DICER1: variants seen among roughly 807,000 people sequenced by gnomAD.
The protein encoded by DICER1 is dicer 1, ribonuclease III.
DICER1 carries 43 observed loss-of-function variants against 194.1 expected under a neutral mutation model. That is an observed-to-expected ratio of 0.22 (90% CI 0.17 to 0.29). DICER1 has a LOEUF of 0.29. Among genes scored for constraint, DICER1 ranks in the 10% least tolerant of loss-of-function variants. The pLI, the probability that DICER1 is intolerant of heterozygous loss-of-function variation, is 1.00. For missense variants in DICER1, 1,608 were observed against 2,317.0 expected, an observed-to-expected ratio of 0.69 and a Z score of 6.28; for synonymous variants, 832 against 820.5, an observed-to-expected ratio of 1.01 and a Z score of -0.24.
intron 1 of DICER1, among the ~76,000 whole-genome samples, chr14:95,137,026 T>G (rs1894424562): frequency 7.0e-6 from 1 of 142,408 alleles, no homozygotes; most frequent in Non-Finnish European, 1.5e-5. Context: ...GTAAAAGGTA[T>G]AAGTAGAAAA....
chr14:95,091,498 G>C, intron 24 of DICER1, 133 bp from the exon 25 acceptor site: 2 of 825,724 alleles, frequency 2.4e-6, no homozygotes, highest in African/African-American at 1.7e-5. Flanking sequence ...TTTATGGTAT[G>C]CCTACTATAT....
In DICER1 at chr14:95,154,408, C is replaced by G. The variant is rs1414158668; in HGVS notation, c.-46+2822G>C. On this transcript the variant is annotated intron_variant, in intron 1 of 26. Transcript: ENST00000343455. Reference sequence around the variant, plus strand: ...CTCCAATGAATTATTTGTATACCTACGTTCACAGCACCATTATTCACAGTA... The same window carrying G: ...CTCCAATGAATTATTTGTATACCTAGGTTCACAGCACCATTATTCACAGTA... Among the ~76,000 whole-genome samples, 3 of 152,312 alleles carry G rather than the reference C, an allele frequency of 2.0e-5. No homozygotes were observed. The East Asian group carries it at 5.8e-4, about 29-fold the overall frequency.
At position 95,091,209 on chromosome 14, in the gene DICER1, G is replaced by A. The variant is rs1555366154; in HGVS notation, c.5521C>T (p.Leu1841=). The A allele has an allele frequency of 5.0e-6, 8 of 1,614,072 alleles. No homozygotes were observed. Among genetic ancestry groups the A allele is most frequent in the Non-Finnish European group, 5.9e-6 (7 of 1,180,004 alleles). ...WQVYYPMMRP[L]IEKFSANVPR... is the part of the protein sequence containing the mutation. ...TAAAGGGAGCCAACAATACCTATTA[G>A]TGGCCGCATCATGGGATAGTACACC... is the stretch of plus-strand genomic sequence containing the variant. Residue 1841 remains leucine (L), a synonymous_variant, in exon 25 of 27, where the codon CTA becomes TTA. Coordinates refer to ENST00000343455, the MANE Select transcript of DICER1 (RefSeq NM_177438.3).
At chr14:95,144,086 A>G (rs1894981391) in intron 1 of DICER1, among the ~76,000 whole-genome samples, 1 of 152,206 alleles carries the variant, frequency 6.6e-6, no homozygotes, top group African/African-American at 2.4e-5. Context: ...AGATGTTTTT[A>G]GCTAACTTAA....
chr14:95,108,836 C>T (rs1003589079), intron 14 of DICER1, among the ~76,000 whole-genome samples: 2 of 152,194 alleles, frequency 1.3e-5, no homozygotes, highest in African/African-American at 4.8e-5. Flanking sequence ...GACAAGAAAA[C>T]TCATCTCTTC....
chr14:95,087,117 C>G lies in DICER1; in HGVS notation c.*3381G>C, dbSNP rs1566738996. On this transcript the variant is annotated 3_prime_UTR_variant, in exon 27 of 27. Transcript: ENST00000343455. ...TGGATTCCAGTGATCCTCTGCAGTG[C>G]CCACCTGCCTCCAGGGAGCGACTGA... 4.3e-6 allele frequency: 1 copy of G among 233,086 alleles called. No homozygotes were observed. Among genetic ancestry groups the G allele is most frequent in the African/African-American group, 2.2e-5 (1 of 45,316 alleles). The allele number at this position is 233,086 out of a possible 1,614,324, so 14.4% of individuals were successfully genotyped here.
At chr14:95,117,073 T>C (rs1344286967) in intron 9 of DICER1, among the ~76,000 whole-genome samples, 1 of 152,236 alleles carries the variant, frequency 6.6e-6, no homozygotes, top group African/African-American at 2.4e-5. Context: ...TAATAAACTT[T>C]AAATAGGTTT....
rs1060503636 is a variant in DICER1 at position 95,106,174 on chromosome 14, T to C, written c.2854A>G (p.Thr952Ala). ...PHRFYVADVY[T>A]DLTPLSKFPS... ...AATTTACTGAGTGGGGTAAGATCAG[T>C]GTACACATCAGCTACATAAAATCGA... The change falls in exon 18 of 27, where the codon ACT becomes GCT. Residue 952 changes from threonine to alanine, a missense_variant. Around this residue, in one of 10 missense-constraint regions of DICER1, gnomAD observed 150 missense variants for 216.0 expected, o/e 0.69. Transcript: ENST00000343455. The C allele has an allele frequency of 6.2e-7, 1 of 1,614,128 alleles. No homozygotes were observed. Among genetic ancestry groups the C allele is most frequent in the South Asian group, 1.1e-5 (1 of 91,080 alleles).
At chr14:95,099,689 A>G (rs1890678459) in intron 22 of DICER1, 91 bp downstream of exon 22, 4 of 1,481,932 alleles carry the variant, frequency 2.7e-6, no homozygotes, top group African/African-American at 2.9e-5. Context: ...AAAAATTAAT[A>G]AAACAAATTA....
At chr14:95,094,243 G>C in intron 23 of DICER1, 87 bp from the exon 24 acceptor site, 2 of 1,491,270 alleles carry the variant, frequency 1.3e-6, no homozygotes, top group South Asian at 2.3e-5. Context: ...ATCCGAAGAA[G>C]ATTTGTATTT....
At chr14:95,150,467 C>T (rs181793213) in intron 1 of DICER1, among the ~76,000 whole-genome samples, 1 of 152,274 alleles carries the variant, frequency 6.6e-6, no homozygotes, top group East Asian at 1.9e-4. Flanking sequence ...GCCTGAGAGA[C>T]AGAGCAAGAC....
At chr14:95,097,034 G>A (rs181226297) in intron 22 of DICER1, among the ~76,000 whole-genome samples, 81 of 152,234 alleles carry the variant, frequency 5.3e-4, no homozygotes, top group South Asian at 1.7e-3. Context: ...CTTCAACTAA[G>A]TCGTCTAACT....
chr14:95,100,277 G>C (rs1174121245), intron 21 of DICER1, among the ~76,000 whole-genome samples: 1 of 152,122 alleles, frequency 6.6e-6, no homozygotes. Context: ...GATATAAAAT[G>C]CAAACTGCTA....
intron 1 of DICER1, among the ~76,000 whole-genome samples, chr14:95,145,259 G>A (rs1461363232): frequency 6.6e-6 from 1 of 152,130 alleles, no homozygotes; most frequent in African/African-American, 2.4e-5. Flanking sequence ...TGGAGGAAAA[G>A]TTTTCCTCCC....
chr14:95,092,490 T>C (rs1338798188), intron 24 of DICER1, among the ~76,000 whole-genome samples: 2 of 152,202 alleles, frequency 1.3e-5, no homozygotes, highest in African/African-American at 4.8e-5. Flanking sequence ...ATAATACATT[T>C]ATACTGCTGA....
chr14:95,109,157 A>G (rs535190355), intron 14 of DICER1, among the ~76,000 whole-genome samples: 1 of 152,204 alleles, frequency 6.6e-6, no homozygotes, highest in African/African-American at 2.4e-5. Flanking sequence ...AGCCAATATC[A>G]TCATTTGTAA....
At chr14:95,154,315 G>A (rs1462337863) in intron 1 of DICER1, among the ~76,000 whole-genome samples, 1 of 152,202 alleles carries the variant, frequency 6.6e-6, no homozygotes, top group Non-Finnish European at 1.5e-5. Context: ...GTCTAGTCTA[G>A]TGTTTTGAAG....
At chr14:95,135,251 A>G (rs1894273063) in intron 1 of DICER1, among the ~76,000 whole-genome samples, 1 of 152,212 alleles carries the variant, frequency 6.6e-6, no homozygotes, top group Non-Finnish European at 1.5e-5. Flanking sequence ...CTGACCCTTC[A>G]CTTTCACCCA....
rs1486741089 is a variant in DICER1 at position 95,096,663 on chromosome 14, C to A, written c.4257G>T (p.Glu1419Asp). ...TCAGGCTCTCCTCCTCCTCATCCTC[C>A]TCCTCGTAATCCTCATCCAGTTTGC... ...ANGKLDEDYE[E>D]EDEEEESLMW... The change falls in exon 23 of 27, where the codon GAG (glutamate) becomes GAT (aspartate). Residue 1419 changes from glutamate (E) to aspartate (D), a missense_variant. Coordinates refer to ENST00000343455, the MANE Select transcript of DICER1 (RefSeq NM_177438.3). The A allele has an allele frequency of 1.9e-6, 3 of 1,612,920 alleles. No homozygotes were observed. The South Asian group carries it at 3.3e-5, about 18-fold the overall frequency.
Sources: gnomAD v4.1 joint callset for allele counts (sites outside exome capture counted in the v4.1 genomes callset) on GRCh38, gnomAD v4.1.1 for gene constraint, gnomAD v4.1.1 regional missense constraint, MANE v1.5 for transcripts, NCBI Gene and HGNC (gene_info 2026-07-23, HGNC 2026-07-21) for gene names.